The following THTPA variants were observed in gnomAD, a reference collection of about 807,000 sequenced individuals.
THTPA encodes the protein thiamine triphosphatase, also known as thiamine-triphosphatase.
THTPA carries 16 observed loss-of-function variants against 16.5 expected under a neutral mutation model. The observed-to-expected ratio is 0.97, with a 90% CI of 0.66 to 1.47. THTPA has a LOEUF of 1.47. Among genes scored for constraint, THTPA ranks in the 40% most tolerant of loss-of-function variants. The probability of loss-of-function intolerance (pLI) is 0.00; values close to 1 mark genes in which losing one functional copy is unlikely to be tolerated. For missense variants in THTPA, 281 were observed against 280.9 expected, an observed-to-expected ratio of 1.00 and a Z score of 0.00; for synonymous variants, 110 against 115.5, an observed-to-expected ratio of 0.95 and a Z score of 0.30.
At position 23,560,019 on chromosome 14, in the gene THTPA, C is replaced by T; in HGVS notation, c.*1179C>T. ...GAACTGTGTTCCCACTGGGGGCCTG[C>T]AGCTGCAGCTGGAGACTCTGAACAC... On this transcript the variant is annotated 3_prime_UTR_variant, in exon 2 of 2. Transcript: ENST00000288014. 1.2e-6 allele frequency: 2 copies of T among 1,607,710 alleles called. No individual in the cohort carries two copies. The highest frequency in any genetic ancestry group is 1.7e-6 in the Non-Finnish European group (2 of 1,175,850).
the THTPA span, chr14:23,530,041 C>T: frequency 1.5e-6 from 2 of 1,349,880 alleles, no homozygotes; most frequent in Non-Finnish European, 2.0e-6. Flanking sequence ...ACAGACATTG[C>T]TGGGCTCCTG....
At chr14:23,512,121 A>G in the THTPA span, among the ~76,000 whole-genome samples, 1 of 152,138 alleles carries the variant, frequency 6.6e-6, no homozygotes, top group African/African-American at 2.4e-5. Flanking sequence ...AGGAATGTTA[A>G]TTAGCATCCA....
the THTPA span, chr14:23,522,611 G>A: frequency 3.3e-6 from 5 of 1,532,422 alleles, no homozygotes; most frequent in Non-Finnish European, 3.5e-6. Flanking sequence ...AGCTGGCGGT[G>A]CTGTTCCCCC....
At chr14:23,523,976 G>A in the THTPA span, 9 of 1,529,488 alleles carry the variant, frequency 5.9e-6, no homozygotes, top group African/African-American at 9.6e-5. The surrounding 1 kb of genome is among the most constrained non-coding windows in gnomAD (Gnocchi z 4.1). Context: ...TGGTGTTGGG[G>A]TGGTGGCCTC....
chr14:23,535,220 G>A, the THTPA span: 1 of 1,526,038 alleles, frequency 6.6e-7, no homozygotes. This position sits in a 1 kb window ranked among gnomAD's most constrained non-coding sequence, Gnocchi z 4.5. Context: ...TTGGTGACAG[G>A]ATCAGAGGGG....
chr14:23,532,543 T>C, the THTPA span: 2 of 1,430,366 alleles, frequency 1.4e-6, no homozygotes, highest in African/African-American at 1.4e-5. Context: ...CCTCTTCCGA[T>C]GGCCCTTCCT....
the THTPA span, chr14:23,526,535 T>A: frequency 6.5e-7 from 1 of 1,535,716 alleles, no homozygotes; most frequent in Non-Finnish European, 8.7e-7. Flanking sequence ...GTCTTCAGCT[T>A]GGGCATCAGG....
chr14:23,534,870 C>G, the THTPA span: 1 of 1,536,118 alleles, frequency 6.5e-7, no homozygotes. The surrounding 1 kb of genome is among the most constrained non-coding windows in gnomAD (Gnocchi z 4.5). Context: ...GCAGACTGGG[C>G]TCTTCCTTGA....
At chr14:23,538,147 C>T in the THTPA span, 10 of 152,220 alleles carry the variant, frequency 6.6e-5, no homozygotes, top group African/African-American at 2.4e-4. Flanking sequence ...TAGCTAGAAA[C>T]CAAAGGAGCT....
At chr14:23,529,845 G>T in the THTPA span, 1 of 1,429,354 alleles carries the variant, frequency 7.0e-7, no homozygotes. Flanking sequence ...TTCCAGGGTA[G>T]GGAGTTGGGC....
At chr14:23,534,088 C>T in the THTPA span, 1 of 1,505,756 alleles carries the variant, frequency 6.6e-7, no homozygotes, top group Non-Finnish European at 8.8e-7. This position sits in a 1 kb window ranked among gnomAD's most constrained non-coding sequence, Gnocchi z 4.5. Flanking sequence ...GGGTGGGTCA[C>T]TGGGGTCTTC....
chr14:23,552,160 G>A (rs1882016743), upstream of THTPA, among the ~76,000 whole-genome samples: 1 of 151,936 alleles, frequency 6.6e-6, no homozygotes. Context: ...CTTCTCTACC[G>A]CAGCAATTAC....
the THTPA span, chr14:23,529,269 AGT>A: frequency 3.0e-5 from 5 of 167,838 alleles, no homozygotes; most frequent in Admixed American, 1.2e-4. Context: ...CCCTACCCTT[AGT>A]AAGAGGATGC....
At chr14:23,533,957 T>G in the THTPA span, 1 of 1,537,864 alleles carries the variant, frequency 6.5e-7, no homozygotes, top group Non-Finnish European at 8.7e-7. The surrounding 1 kb of genome is among the most constrained non-coding windows in gnomAD (Gnocchi z 4.8). Flanking sequence ...CAGTTGCACT[T>G]GGGACACTTG....
chr14:23,552,204 A>G (rs1431697644), upstream of THTPA, among the ~76,000 whole-genome samples: 3 of 150,346 alleles, frequency 2.0e-5, no homozygotes, highest in Non-Finnish European at 4.4e-5. Context: ...CCTCCTCCAC[A>G]CGGTTACATA....
At chr14:23,526,247 C>G in the THTPA span, 11 of 1,536,304 alleles carry the variant, frequency 7.2e-6, no homozygotes, top group Admixed American at 2.0e-5. Flanking sequence ...ACCGGCCTCT[C>G]CCCGTGCAGG....
At chr14:23,516,892 T>G in the THTPA span, among the ~76,000 whole-genome samples, 1 of 152,222 alleles carries the variant, frequency 6.6e-6, no homozygotes, top group Non-Finnish European at 1.5e-5. Context: ...TATGGGGCAG[T>G]GCTGAGCCCC....
chr14:23,517,157 C>A, the THTPA span, among the ~76,000 whole-genome samples: 2 of 152,194 alleles, frequency 1.3e-5, no homozygotes, highest in Non-Finnish European at 2.9e-5. Context: ...TACCCCTTGT[C>A]TGTGCTTTGT....
chr14:23,512,206 G>T, the THTPA span, among the ~76,000 whole-genome samples: 1 of 152,158 alleles, frequency 6.6e-6, no homozygotes, highest in African/African-American at 2.4e-5. Context: ...GGGGTTGGGG[G>T]CTGGAGGTGA....
Sources: allele counts gnomAD v4.1 joint callset (sites outside exome capture counted in the v4.1 genomes callset), GRCh38; gene constraint gnomAD v4.1.1; non-coding constraint Gnocchi (gnomAD v3.1); transcripts MANE v1.5; gene names NCBI Gene and HGNC (gene_info 2026-07-23, HGNC 2026-07-21).